The following FRYL variants were observed in gnomAD, a reference collection of about 807,000 sequenced individuals.
The protein encoded by FRYL is protein furry homolog-like.
Under a neutral mutation model 351.2 loss-of-function variants are expected in FRYL, and 150 were observed. The ratio of observed to expected loss-of-function variants is 0.43; its 90% CI spans 0.37 to 0.49. The LOEUF (loss-of-function observed/expected upper bound fraction) is 0.49, where lower values mean the gene tolerates loss of function less well. Ranked by LOEUF, FRYL falls within the 20% of genes least tolerant of loss-of-function variation. The pLI is 0.00. For synonymous variants in FRYL, 1,153 were observed against 1,257.1 expected, an observed-to-expected ratio of 0.92 and a Z score of 1.75; for missense variants, 3,036 against 3,619.3, an observed-to-expected ratio of 0.84 and a Z score of 4.13.
At chr4:48,587,104 C>G (rs1742252214) in intron 18 of FRYL, among the ~76,000 whole-genome samples, 1 of 151,860 alleles carries the variant, frequency 6.6e-6, no homozygotes, top group Non-Finnish European at 1.5e-5. Flanking sequence ...CATTAAATAA[C>G]TAAATACTGG....
chr4:48,645,122 TTTTA>T (rs1756127834), intron 3 of FRYL, among the ~76,000 whole-genome samples: 3 of 15,030 alleles, frequency 2.0e-4, no homozygotes, highest in Admixed American at 1.2e-3. Context: ...TGAGCTTTCA[TTTTA>T]TATATATATA....
chr4:48,635,658 T>A (rs761780085), intron 3 of FRYL, among the ~76,000 whole-genome samples: 6 of 152,184 alleles, frequency 3.9e-5, no homozygotes, highest in African/African-American at 7.2e-5. Flanking sequence ...GCTTCCTACA[T>A]ACAAGTTTTC....
rs529033476 is a variant in FRYL at position 48,773,104 on chromosome 4, A to G, written c.-384+6974T>C. Among the ~76,000 whole-genome samples, 9 of 152,346 alleles carry G rather than the reference A, an allele frequency of 5.9e-5. No individual in the cohort carries two copies. The South Asian group carries it at 1.7e-3, about 28-fold the overall frequency. ...TGTAAAAGTATAATCAACAGAGACA[A>G]CTACAAAAAATTCTCAAAATGTAAA... is the stretch of plus-strand genomic sequence containing the variant. On this transcript the variant is annotated intron_variant, in intron 1 of 63. Transcript: ENST00000358350.
chr4:48,561,383 A>G, intron 33 of FRYL, 85 bp downstream of exon 33: 2 of 899,582 alleles, frequency 2.2e-6, no homozygotes, highest in Non-Finnish European at 3.2e-6. Flanking sequence ...TTAACCTGTA[A>G]TTTAATAAAT....
At chr4:48,704,328 TCACA>T (rs1181064389) in intron 2 of FRYL, among the ~76,000 whole-genome samples, 2 of 152,090 alleles carry the variant, frequency 1.3e-5, no homozygotes, top group Admixed American at 1.3e-4. Context: ...TCAATATCAC[TCACA>T]AAGGGGAAAT....
chr4:48,544,473 A>T (rs1730907567), intron 43 of FRYL, among the ~76,000 whole-genome samples: 1 of 152,178 alleles, frequency 6.6e-6, no homozygotes, highest in African/African-American at 2.4e-5. Flanking sequence ...ATACCAGCAC[A>T]ATTTTTTTTA....
chr4:48,653,973 A>G (rs1351301856), intron 3 of FRYL: 2 of 1,146,666 alleles, frequency 1.7e-6, no homozygotes, highest in Admixed American at 3.8e-5. Flanking sequence ...GCACAACTAT[A>G]GTGGAAATGC....
At chr4:48,658,826 A>G (rs1415768169) in intron 3 of FRYL, among the ~76,000 whole-genome samples, 1 of 147,230 alleles carries the variant, frequency 6.8e-6, no homozygotes, top group Non-Finnish European at 1.5e-5. Flanking sequence ...TCTGTTATGT[A>G]ATTACCACCA....
At chr4:48,575,418 A>G (rs571813181) in intron 24 of FRYL, among the ~76,000 whole-genome samples, 177 bp from the exon 25 acceptor site, 2 of 152,326 alleles carry the variant, frequency 1.3e-5, no homozygotes, top group Admixed American at 1.3e-4. Flanking sequence ...AGCTTGTCCA[A>G]TGGCTTAATG....
intron 3 of FRYL, among the ~76,000 whole-genome samples, chr4:48,653,359 G>C (rs1468365680): frequency 6.6e-6 from 1 of 152,116 alleles, no homozygotes; most frequent in African/African-American, 2.4e-5. Flanking sequence ...GAAGAGTACT[G>C]GTATCTGATA....
Position 48,562,908 on chromosome 4 carries a change from A to T in FRYL, c.3677T>A (p.Val1226Asp), listed in dbSNP as rs1735843787. Residue 1226 changes from valine (V) to aspartate (D), a missense_variant, in exon 32 of 64, where the codon GTT becomes GAT. Physicochemically the swap from Val to Asp is radical, Grantham distance 152. Transcript: ENST00000358350. ...AADSSRSIYEVAMQLLQILEP... is the reference protein window; with the variant it reads ...AADSSRSIYEDAMQLLQILEP... ...ACAAACCTGTAAAAGTTGCATAGCA[A>T]CTTCATAGATACTTCTAGAAGAATC... 2.5e-6 allele frequency: 4 copies of T among 1,597,918 alleles called. No homozygotes were observed. The highest frequency in any genetic ancestry group is 3.4e-6 in the Non-Finnish European group (4 of 1,168,384).
intron 50 of FRYL, among the ~76,000 whole-genome samples, chr4:48,528,709 CCACT>C (rs1726835197): frequency 6.6e-6 from 1 of 152,042 alleles, no homozygotes; most frequent in African/African-American, 2.4e-5. Context: ...TGTTTTCTTA[CCACT>C]CAGACTTAAT....
intron 1 of FRYL, among the ~76,000 whole-genome samples, chr4:48,737,259 G>GAAAAAAAAAAAAAA (rs368219531): frequency 1.0e-5 from 1 of 97,706 alleles, no homozygotes. Context: ...CTCCATCACA[G>GAAAAAAAAAAAAAA]AAAAAAAAAA....
intron 3 of FRYL, among the ~76,000 whole-genome samples, chr4:48,662,937 T>A (rs1243821266): frequency 6.6e-6 from 1 of 152,096 alleles, no homozygotes; most frequent in Admixed American, 6.5e-5. Flanking sequence ...GCTAAAAGAC[T>A]TTGTCACCAA....
In FRYL at chr4:48,543,878, T is replaced by C. The variant is rs772822237; in HGVS notation, c.5521A>G (p.Thr1841Ala). Residue 1841 changes from threonine to alanine, a missense_variant, in exon 44 of 64, where the codon ACT becomes GCT. Transcript: ENST00000358350. ...AGAACATCAGAAAGTGTAGTTGCAG[T>C]GAGAGGCTGCTTTAGGGCCCTGAAA... ...QIFRALKQPL[T>A]ATTLSDVLSR... The C allele has an allele frequency of 6.2e-7, 1 of 1,613,922 alleles. No homozygotes were observed. The highest frequency in any genetic ancestry group is 8.5e-7 in the Non-Finnish European group (1 of 1,179,848).
chr4:48,581,278 C>CCGCCCGACTCGGCCTCCCAATT (rs1740846539), intron 21 of FRYL, 142 bp downstream of exon 21: 1 of 628,164 alleles, frequency 1.6e-6, no homozygotes, highest in Non-Finnish European at 2.7e-6. Context: ...ATCTCGTGAT[C>CCGCCCGACTCGGCCTCCCAATT]CGCCCGACTC....
chr4:48,711,366 C>T (rs756041331), intron 1 of FRYL, among the ~76,000 whole-genome samples: 1 of 152,290 alleles, frequency 6.6e-6, no homozygotes, highest in African/African-American at 2.4e-5. Flanking sequence ...CACTCAAATA[C>T]TGCGCTTTTC....
chr4:48,523,409 A>G (rs1301293238), intron 53 of FRYL: 1 of 234,600 alleles, frequency 4.3e-6, no homozygotes, highest in African/African-American at 2.3e-5. Flanking sequence ...ATACACAAAC[A>G]TGAATGAGAC....
chr4:48,544,861 T>A lies in FRYL; in HGVS notation c.5323A>T (p.Asn1775Tyr), dbSNP rs780902104. ...TGTTCAGCACTCTTTATGCTAGGAT[T>A]CTTGGCAGAAACATCCTCATGGTTC... ...LWNHEDVSAKNPSIKSAEQLT... is the reference protein window; with the variant it reads ...LWNHEDVSAKYPSIKSAEQLT... Residue 1775 changes from asparagine to tyrosine, a missense_variant, in exon 43 of 64, where the codon AAT (asparagine) becomes TAT (tyrosine). Physicochemically the swap from Asn to Tyr is moderately radical, Grantham distance 143. Around this residue, in one of 7 missense-constraint regions of FRYL, gnomAD observed 1,987 missense variants for 2,311.7 expected, o/e 0.86. Coordinates refer to ENST00000358350, the MANE Select transcript of FRYL (RefSeq NM_015030.2). The A allele has an allele frequency of 6.2e-7, 1 of 1,608,906 alleles. No homozygotes were observed. Among genetic ancestry groups the A allele is most frequent in the Non-Finnish European group, 8.5e-7 (1 of 1,178,174 alleles).
Sources: allele counts gnomAD v4.1 joint callset (sites outside exome capture counted in the v4.1 genomes callset), GRCh38; gene constraint gnomAD v4.1.1; regional missense constraint gnomAD v4.1.1; transcripts MANE v1.5; gene names NCBI Gene and HGNC (gene_info 2026-07-23, HGNC 2026-07-21).